SVOP: variants seen among roughly 807,000 people sequenced by gnomAD.
SVOP encodes synaptic vesicle 2-related protein.
A neutral mutation model predicts 69.1 loss-of-function variants in SVOP; 17 were observed. The observed-to-expected ratio is 0.25, with a 90% CI of 0.17 to 0.37. SVOP has a LOEUF of 0.37. SVOP is among the 10% of genes least tolerant of loss of function. The pLI is 1.00. For missense variants in SVOP, 435 were observed against 597.5 expected (o/e 0.73, Z 2.84); for synonymous variants, 238 against 238.6 (o/e 1.00, Z 0.02).
chr12:108,986,479 C>T (rs961077372), intron 1 of SVOP, among the ~76,000 whole-genome samples: 3 of 152,136 alleles, frequency 2.0e-5, no homozygotes, highest in Non-Finnish European at 4.4e-5. Context: ...AGAGAAATAT[C>T]TTTGTTTCTG....
chr12:108,939,670 A>G (rs945801305), intron 8 of SVOP, among the ~76,000 whole-genome samples: 10 of 152,308 alleles, frequency 6.6e-5, no homozygotes, highest in African/African-American at 2.4e-4. Context: ...TAAAAAGAGG[A>G]TATAGCAGAG....
chr12:108,919,244 A>G (rs114498336), intron 13 of SVOP, among the ~76,000 whole-genome samples: 5,349 of 138,680 alleles, frequency 0.039, 135 homozygotes, highest in Middle Eastern at 0.15. Flanking sequence ...ACCTGTACCT[A>G]CACTTGAGCT....
intron 1 of SVOP, among the ~76,000 whole-genome samples, chr12:108,989,597 C>T (rs549888165): frequency 4.1e-4 from 62 of 152,180 alleles, no homozygotes; most frequent in Middle Eastern, 3.4e-3. Context: ...TCCTTGGCCA[C>T]ACCACCCCCA....
chr12:108,942,256 C>T (rs1401436019), intron 7 of SVOP, among the ~76,000 whole-genome samples: 1 of 152,218 alleles, frequency 6.6e-6, no homozygotes, highest in African/African-American at 2.4e-5. Flanking sequence ...TTGACAGACA[C>T]TCGGGTTGCT....
At position 108,915,662 on chromosome 12, in the gene SVOP, G is replaced by T. The variant is rs1593175017; in HGVS notation, c.1440+121C>A. On this transcript the variant is annotated intron_variant, in intron 15 of 15. Coordinates refer to ENST00000610966, the MANE Select transcript of SVOP (RefSeq NM_018711.5). ...TATTTCTTCTGTCCTCGGGTGTGTT[G>T]TTATGATAAAATGAGCGAATGCAAC... is the stretch of plus-strand genomic sequence containing the variant. 46 of 1,005,782 alleles carry T rather than the reference G, an allele frequency of 4.6e-5. No individual in the cohort carries two copies. The East Asian group carries it at 1.3e-3, about 29-fold the overall frequency. 62.3% of individuals were successfully genotyped at this position (1,005,782 alleles called of 1,614,324 possible). A position where few individuals can be genotyped will look rare whatever the true frequency, so the allele number is the denominator to read the frequency against.
intron 5 of SVOP, among the ~76,000 whole-genome samples, chr12:108,969,917 T>C (rs1566059787): frequency 6.6e-6 from 1 of 152,172 alleles, no homozygotes; most frequent in Admixed American, 6.5e-5. Flanking sequence ...CAGCTTTTAC[T>C]TCCTTTGGGA....
At chr12:108,958,706 T>C (rs1376962395) in intron 6 of SVOP, among the ~76,000 whole-genome samples, 1 of 152,164 alleles carries the variant, frequency 6.6e-6, no homozygotes, top group Non-Finnish European at 1.5e-5. Context: ...GAGCATTGCC[T>C]GCCAGGAGCT....
Position 108,918,128 on chromosome 12 carries a change from G to C in SVOP, c.1269-4C>G. On this transcript the variant is annotated splice_polypyrimidine_tract_variant and splice_region_variant and intron_variant, in intron 13 of 15. Coordinates refer to ENST00000610966, the MANE Select transcript of SVOP (RefSeq NM_018711.5). ...GAGTAACAGAGTGAGCACATTTCTAGGAGGAGGATAAAGGCAGATGATGGC... is the reference window on the plus strand; with the variant it reads ...GAGTAACAGAGTGAGCACATTTCTACGAGGAGGATAAAGGCAGATGATGGC... 6.4e-7 allele frequency: 1 copy of C among 1,559,644 alleles called. No homozygotes were observed.
rs10778660 is a variant in SVOP, at chr12:108,911,745, T to C, written c.*790A>G. 50,786 of 152,122 alleles carry C rather than the reference T, an allele frequency of 0.33. 8,936 individuals are homozygous for C. Among genetic ancestry groups the C allele is most frequent in the Admixed American group, 0.51 (7,851 of 15,264 alleles). 9.4% of individuals were successfully genotyped at this position (152,122 alleles called of 1,614,324 possible). A position where few individuals can be genotyped will look rare whatever the true frequency, so the allele number is the denominator to read the frequency against. The stretch of plus-strand genomic sequence containing the variant: ...ACCAAGGAGGGGGCCAGGAAAGAAG[T>C]CGGAACCGTGGCCTTCGCTGCTTCA... On this transcript the variant is annotated 3_prime_UTR_variant, in exon 16 of 16. Transcript: ENST00000610966.
At chr12:109,003,109 C>T (rs892339748) in intron 1 of SVOP, among the ~76,000 whole-genome samples, 35 of 152,070 alleles carry the variant, frequency 2.3e-4, no homozygotes, top group Non-Finnish European at 4.9e-4. Flanking sequence ...TGTTTGCATG[C>T]TACAGTCTGA....
chr12:108,912,803 A>G, intron 15 of SVOP, 62 bp from the exon 16 acceptor site: 3 of 1,497,014 alleles, frequency 2.0e-6, no homozygotes, highest in South Asian at 2.4e-5. Context: ...ATCGCCAACC[A>G]TCAAATAGTA....
chr12:109,020,684 G>T, intron 1 of SVOP, 150 bp downstream of exon 1: 3 of 571,594 alleles, frequency 5.2e-6, no homozygotes. Flanking sequence ...AAAATGGCTT[G>T]TCTCCTCCAG....
In SVOP at chr12:108,915,932, C is replaced by G. The variant is rs920214321; in HGVS notation, c.1351-60G>C. On this transcript the variant is annotated intron_variant, in intron 14 of 15. Transcript: ENST00000610966. ...ATGCAGGTTCCTCCCACCACTCCAG[C>G]TCCAAGCTGATAGGACCAACCTCAG... 4.1e-6 allele frequency: 6 copies of G among 1,466,826 alleles called. No homozygotes were observed. In the African/African-American group the frequency reaches 8.5e-5, roughly 21 times the overall value. 90.9% of individuals were successfully genotyped at this position (1,466,826 alleles called of 1,614,324 possible).
chr12:108,995,270 A>T (rs1253102385), intron 1 of SVOP, among the ~76,000 whole-genome samples: 1 of 152,242 alleles, frequency 6.6e-6, no homozygotes, highest in Non-Finnish European at 1.5e-5. Context: ...AGATAAATGG[A>T]TAAACAAAAT....
intron 13 of SVOP, 134 bp downstream of exon 13, chr12:108,919,541 C>T (rs2039735939): frequency 4.6e-6 from 3 of 650,446 alleles, no homozygotes; most frequent in African/African-American, 3.6e-5. Context: ...ACACCTACAC[C>T]CACACTTGGG....
chr12:108,960,598 G>A (rs1280019568), intron 6 of SVOP, among the ~76,000 whole-genome samples: 3 of 152,110 alleles, frequency 2.0e-5, no homozygotes, highest in Non-Finnish European at 4.4e-5. Context: ...ACTGTAAAAC[G>A]CAGATTGCAA....
chr12:108,919,856 A>C, intron 12 of SVOP, 70 bp from the exon 13 acceptor site: 2 of 1,038,184 alleles, frequency 1.9e-6, no homozygotes, highest in Non-Finnish European at 2.9e-6. Flanking sequence ...CTCGTAGCAC[A>C]GCCTGTATCA....
At chr12:109,018,043 C>T (rs1027231941) in intron 1 of SVOP, among the ~76,000 whole-genome samples, 1 of 152,126 alleles carries the variant, frequency 6.6e-6, no homozygotes, top group African/African-American at 2.4e-5. Flanking sequence ...TTCTACCTTA[C>T]TCAGCTGTAG....
intron 1 of SVOP, among the ~76,000 whole-genome samples, chr12:109,011,991 AT>A (rs1265137396): frequency 1.1e-4 from 16 of 152,042 alleles, no homozygotes; most frequent in Non-Finnish European, 2.1e-4. Flanking sequence ...GGTAAAAAAA[AT>A]TTCAGTTAGG....
Sources: gnomAD v4.1 joint callset for allele counts (sites outside exome capture counted in the v4.1 genomes callset) on GRCh38, gnomAD v4.1.1 for gene constraint, MANE v1.5 for transcripts, NCBI Gene and HGNC (gene_info 2026-07-23, HGNC 2026-07-21) for gene names.